Variants in LRCH2 observed in about 807,000 individuals in gnomAD.
LRCH2 encodes the protein leucine rich repeats and calponin homology domain containing 2, also known as leucine-rich repeat and calponin homology domain-containing protein 2.
A neutral mutation model predicts 68.9 loss-of-function variants in LRCH2; 38 were observed. The ratio of observed to expected loss-of-function variants is 0.55; its 90% CI spans 0.43 to 0.72. LRCH2 has a LOEUF of 0.72. LRCH2 is among the 30% of genes least tolerant of loss of function. LRCH2 has a pLI of 0.00. For synonymous variants in LRCH2, 191 were observed against 208.1 expected, an observed-to-expected ratio of 0.92 and a Z score of 0.71; for missense variants, 528 against 572.9, an observed-to-expected ratio of 0.92 and a Z score of 0.80.
intron 16 of LRCH2, among the ~76,000 whole-genome samples, chrX:115,126,136 C>T (rs1018300358): frequency 9.0e-6 from 1 of 111,433 alleles, no homozygotes; most frequent in Non-Finnish European, 1.9e-5. Context: ...CTTACTAATG[C>T]CAATACACTT....
intron 3 of LRCH2, among the ~76,000 whole-genome samples, chrX:115,180,486 A>G (rs1359931578): frequency 8.1e-5 from 9 of 111,222 alleles, no homozygotes; most frequent in African/African-American, 2.9e-4. Context: ...AGTTTAAGTT[A>G]ACTGTGCTCT....
intron 1 of LRCH2, among the ~76,000 whole-genome samples, chrX:115,204,354 A>G (rs2072950895): frequency 8.8e-6 from 1 of 113,487 alleles, no homozygotes; most frequent in African/African-American, 3.2e-5. Flanking sequence ...TTTGGCAATT[A>G]ACATTTGGCT....
chrX:115,140,441 G>A (rs7878582), intron 14 of LRCH2, among the ~76,000 whole-genome samples: 11,576 of 110,855 alleles, frequency 0.1, 464 homozygotes, highest in African/African-American at 0.12. Context: ...ACCAGATGTC[G>A]TGGCTACATG....
At chrX:115,229,087 G>A (rs948304025) in intron 1 of LRCH2, among the ~76,000 whole-genome samples, 27 of 111,410 alleles carry the variant, frequency 2.4e-4, no homozygotes, top group Admixed American at 2.1e-3. Context: ...AAAACCATAA[G>A]AGAGGCATGA....
In LRCH2 at chrX:115,113,140, C is replaced by G. The variant is rs2072055519; in HGVS notation, c.*76G>C. The G allele has an allele frequency of 1.0e-6, 1 of 962,786 alleles. No individual in the cohort carries two copies. The highest frequency in any genetic ancestry group is 3.5e-5 in the Admixed American group (1 of 28,807). 79.3% of individuals were successfully genotyped at this position (962,786 alleles called of 1,213,427 possible). ...GGCAAACTATTTTTGACGGAATATTCTTATTCATGAATTTGAAATATTTGA... is the reference window on the plus strand; with the variant it reads ...GGCAAACTATTTTTGACGGAATATTGTTATTCATGAATTTGAAATATTTGA... On this transcript the variant is annotated 3_prime_UTR_variant, in exon 21 of 21. Coordinates refer to ENST00000317135, the MANE Select transcript of LRCH2 (RefSeq NM_020871.4).
intron 14 of LRCH2, among the ~76,000 whole-genome samples, chrX:115,142,799 T>C (rs2072350145): frequency 2.7e-5 from 3 of 111,338 alleles, no homozygotes; most frequent in Non-Finnish European, 5.7e-5. Context: ...AATCCAAAGT[T>C]AGTATAAGAA....
chrX:115,188,237 G>A lies in LRCH2; in HGVS notation c.483C>T (p.Tyr161=), dbSNP rs370619018. Residue 161 remains tyrosine, a synonymous_variant, in exon 2 of 21, where the codon TAC becomes TAT. Coordinates refer to ENST00000317135, the MANE Select transcript of LRCH2 (RefSeq NM_020871.4). ...AATTGTTTCCTTACCTAATGTTAAGGTATGTTAACATCTGCAGATTTTTAA... is the reference window on the plus strand; with the variant it reads ...AATTGTTTCCTTACCTAATGTTAAGATATGTTAACATCTGCAGATTTTTAA... ...EAIKNLQMLT[Y]LNISRNLLST... is the part of the protein sequence containing the mutation. The A allele has an allele frequency of 1.1e-5, 12 of 1,136,357 alleles. No homozygotes were observed. The African/African-American group carries it at 1.3e-4, about 12-fold the overall frequency. 93.6% of individuals were successfully genotyped at this position (1,136,357 alleles called of 1,213,427 possible).
At chrX:115,119,343 A>G (rs1603017849) in intron 20 of LRCH2, among the ~76,000 whole-genome samples, 1 of 102,027 alleles carries the variant, frequency 9.8e-6, no homozygotes. Flanking sequence ...AAATCAATGT[A>G]CAAAAATCAC....
rs781818658 is a variant in LRCH2, at chrX:115,192,056, A to G, written c.350-3686T>C. On this transcript the variant is annotated intron_variant, in intron 1 of 20. Coordinates refer to ENST00000317135, the MANE Select transcript of LRCH2 (RefSeq NM_020871.4). ...TACCGAGGCCGCTCGCACGACACCCACAGCAGGGGCCGATCGCCCGATGCC... is the reference window on the plus strand; with the variant it reads ...TACCGAGGCCGCTCGCACGACACCCGCAGCAGGGGCCGATCGCCCGATGCC... 3.4e-6 allele frequency: 4 copies of G among 1,165,729 alleles called. No individual in the cohort carries two copies. In the South Asian group the frequency reaches 7.6e-5, roughly 22 times the overall value.
chrX:115,141,072 A>C (rs1256798069), intron 14 of LRCH2, among the ~76,000 whole-genome samples: 1 of 108,051 alleles, frequency 9.3e-6, no homozygotes, highest in Admixed American at 1.0e-4. Flanking sequence ...CTCTACTAAA[A>C]ATACAAAAAA....
intron 20 of LRCH2, among the ~76,000 whole-genome samples, chrX:115,118,920 CAT>C (rs2072109392): frequency 9.0e-6 from 1 of 111,549 alleles, no homozygotes; most frequent in African/African-American, 3.3e-5. Flanking sequence ...ACAAAAACCA[CAT>C]GATTATCGCA....
chrX:115,202,955 G>A (rs1569516713), intron 1 of LRCH2, among the ~76,000 whole-genome samples: 1 of 111,731 alleles, frequency 9.0e-6, no homozygotes, highest in Non-Finnish European at 1.9e-5. Context: ...AATTTGGGAG[G>A]AAAAGAGGGA....
intron 14 of LRCH2, among the ~76,000 whole-genome samples, chrX:115,135,421 G>A (rs192851969): frequency 1.8e-4 from 20 of 111,002 alleles, no homozygotes; most frequent in South Asian, 3.8e-4. Context: ...GAGCTGCCAC[G>A]CCTGGCCTAG....
chrX:115,141,182 G>A (rs1322966944), intron 14 of LRCH2, among the ~76,000 whole-genome samples: 1 of 106,534 alleles, frequency 9.4e-6, no homozygotes, highest in Non-Finnish European at 1.9e-5. Flanking sequence ...AGCTTGCAGT[G>A]AGCCGAGATC....
intron 12 of LRCH2, among the ~76,000 whole-genome samples, chrX:115,155,395 T>A (rs2072467298): frequency 9.4e-6 from 1 of 106,361 alleles, no homozygotes; most frequent in Admixed American, 1.0e-4. Context: ...CATGTATACC[T>A]AGTAACAAAC....
At chrX:115,154,128 C>T (rs1200984297) in intron 12 of LRCH2, among the ~76,000 whole-genome samples, 3 of 111,214 alleles carry the variant, frequency 2.7e-5, no homozygotes, top group Non-Finnish European at 5.7e-5. Context: ...GAAAAGTGGA[C>T]TTCAGAGCAG....
chrX:115,190,963 G>A, intron 1 of LRCH2: 1 of 1,164,328 alleles, frequency 8.6e-7, no homozygotes, highest in Non-Finnish European at 1.1e-6. Flanking sequence ...CGGAGTAGGA[G>A]GCCACTATGA....
intron 20 of LRCH2, among the ~76,000 whole-genome samples, chrX:115,115,095 G>A (rs1405347390): frequency 5.4e-5 from 6 of 110,991 alleles, no homozygotes; most frequent in African/African-American, 2.0e-4. Context: ...CATGTTAATG[G>A]ATCACAGGAA....
intron 1 of LRCH2, among the ~76,000 whole-genome samples, chrX:115,199,303 T>C (rs1329467927): frequency 9.0e-6 from 1 of 111,665 alleles, no homozygotes; most frequent in Admixed American, 9.5e-5. Context: ...CTCACATATA[T>C]CAATATAAAC....
Sources: gnomAD v4.1 joint callset for allele counts (sites outside exome capture counted in the v4.1 genomes callset) on GRCh38, gnomAD v4.1.1 for gene constraint, MANE v1.5 for transcripts, NCBI Gene and HGNC (gene_info 2026-07-23, HGNC 2026-07-21) for gene names.